CYRIB: variants seen among roughly 807,000 people sequenced by gnomAD.
CYRIB encodes CYFIP-related Rac1 interactor B.
A neutral mutation model predicts 44.2 loss-of-function variants in CYRIB; 8 were observed. That is an observed-to-expected ratio of 0.18 (90% CI 0.11 to 0.33). The LOEUF is 0.33. Ranked by LOEUF, CYRIB falls within the 10% of genes least tolerant of loss-of-function variation. The probability of loss-of-function intolerance (pLI) is 1.00; values close to 1 mark genes in which losing one functional copy is unlikely to be tolerated. For missense variants in CYRIB, 185 were observed against 382.8 expected, an observed-to-expected ratio of 0.48 and a Z score of 4.31; for synonymous variants, 131 against 127.2, an observed-to-expected ratio of 1.03 and a Z score of -0.20.
rs187869378 is a variant in CYRIB at position 129,919,039 on chromosome 8, C to T, written c.-49-15689G>A. Among the ~76,000 whole-genome samples the T allele has an allele frequency of 4.5e-4, 69 of 152,274 alleles. No individual in the cohort carries two copies. In the South Asian group the frequency reaches 0.01, roughly 22 times the overall value. On this transcript the variant is annotated intron_variant, in intron 1 of 11. Transcript: ENST00000519824. Reference sequence around the variant, plus strand: ...ATAGTTTTTAAATTATTTTATTTTACTTATTTTTTTAAGAGATGGGTTTTT... The same window carrying T: ...ATAGTTTTTAAATTATTTTATTTTATTTATTTTTTTAAGAGATGGGTTTTT...
intron 2 of CYRIB, among the ~76,000 whole-genome samples, chr8:129,899,619 A>G (rs993272850): frequency 4.6e-5 from 7 of 152,254 alleles, no homozygotes; most frequent in Non-Finnish European, 1.0e-4. Context: ...TCACAAAGAA[A>G]AGATGTTTAT....
At chr8:129,850,550 A>ACAC (rs1311045033) in intron 9 of CYRIB, 4 of 377,006 alleles carry the variant, frequency 1.1e-5, no homozygotes. Context: ...AGCCACCAAA[A>ACAC]CACCACCACC....
At chr8:129,860,162 T>G (rs545604999) in intron 5 of CYRIB, among the ~76,000 whole-genome samples, 2 of 152,210 alleles carry the variant, frequency 1.3e-5, no homozygotes, top group Admixed American at 6.5e-5. Context: ...TGTGCTGGAA[T>G]AGCACCCATG....
intron 1 of CYRIB, among the ~76,000 whole-genome samples, chr8:129,995,528 C>T (rs1375618779): frequency 6.6e-6 from 1 of 152,208 alleles, no homozygotes; most frequent in Admixed American, 6.5e-5. Context: ...CCCAGATGTG[C>T]CTGGCCTCGT....
rs563598582 is a variant in CYRIB, at chr8:129,923,318, A to C, written c.-50+16290T>G. On this transcript the variant is annotated intron_variant, in intron 1 of 11. Coordinates refer to ENST00000519824, the Ensembl canonical transcript of CYRIB. ...AGATAGAGTTTCGCTCTTGTCACCC[A>C]GGCTGGAGTGCAATGGTACAATCTC... 3.7e-3 allele frequency among the ~76,000 whole-genome samples: 563 copies of C among 151,584 alleles called. 4 individuals carry two copies. Among genetic ancestry groups the C allele is most frequent in the African/African-American group, 0.013 (545 of 41,434 alleles).
intron 1 of CYRIB, among the ~76,000 whole-genome samples, chr8:130,006,651 C>T (rs1330255874): frequency 5.0e-4 from 50 of 100,060 alleles, no homozygotes; most frequent in South Asian, 9.4e-4. Context: ...TATATATATA[C>T]ATATATATAT....
chr8:129,949,300 T>C (rs749951060), intron 2 of CYRIB: 1 of 152,216 alleles, frequency 6.6e-6, no homozygotes, highest in African/African-American at 2.4e-5. Context: ...TCTGCCATTA[T>C]TACAGAAAGT....
chr8:129,940,975 T>A (rs2093649346), upstream of CYRIB, among the ~76,000 whole-genome samples: 2 of 152,162 alleles, frequency 1.3e-5, no homozygotes, highest in Admixed American at 1.3e-4. Context: ...TATCTGCGCC[T>A]TACTCTATGG....
At chr8:129,846,590 G>A (rs1402898707) in intron 11 of CYRIB, among the ~76,000 whole-genome samples, 1 of 152,210 alleles carries the variant, frequency 6.6e-6, no homozygotes, top group African/African-American at 2.4e-5. Flanking sequence ...AAATGAAGCT[G>A]CTATTGTCAT....
At chr8:129,917,852 A>T (rs1466788837) in intron 1 of CYRIB, among the ~76,000 whole-genome samples, 2 of 152,168 alleles carry the variant, frequency 1.3e-5, no homozygotes, top group African/African-American at 4.8e-5. Flanking sequence ...GCGAGACACC[A>T]TCTCAAAAAA....
intron 1 of CYRIB, among the ~76,000 whole-genome samples, chr8:129,937,703 C>A (rs974751068): frequency 1.3e-5 from 2 of 152,196 alleles, no homozygotes. Flanking sequence ...GATCAACCAA[C>A]CACTTTCTTG....
At chr8:129,957,062 G>T (rs940614287) in intron 2 of CYRIB, among the ~76,000 whole-genome samples, 2 of 151,984 alleles carry the variant, frequency 1.3e-5, no homozygotes, top group Non-Finnish European at 2.9e-5. Flanking sequence ...GGGTCTTGCT[G>T]TGTTGCTAGG....
chr8:130,015,986 C>T (rs1350476567), intron 1 of CYRIB, among the ~76,000 whole-genome samples: 4 of 151,986 alleles, frequency 2.6e-5, no homozygotes, highest in Non-Finnish European at 4.4e-5. Flanking sequence ...ACACCCGGCT[C>T]GCAGGAAGGG....
At chr8:130,012,671 A>C (rs1337906419) in intron 1 of CYRIB, among the ~76,000 whole-genome samples, 2 of 152,214 alleles carry the variant, frequency 1.3e-5, no homozygotes, top group East Asian at 1.9e-4. Context: ...TATCTTGGCC[A>C]AGGGCACAGA....
At chr8:129,889,225 C>A (rs2064067174) in intron 2 of CYRIB, among the ~76,000 whole-genome samples, 1 of 152,154 alleles carries the variant, frequency 6.6e-6, no homozygotes, top group African/African-American at 2.4e-5. Context: ...ATATTCTAAG[C>A]CCACCATTGA....
Position 129,846,880 on chromosome 8 carries a change from G to A in CYRIB, c.841-6C>T. On this transcript the variant is annotated splice_region_variant and splice_polypyrimidine_tract_variant and intron_variant, in intron 10 of 11. Transcript: ENST00000519824. ...ACTTTGATACAACCTTTCATCTAAAGAAAAAGAAAACAGAAAAGGTAAAAC... is the reference window on the plus strand; with the variant it reads ...ACTTTGATACAACCTTTCATCTAAAAAAAAAGAAAACAGAAAAGGTAAAAC... The A allele has an allele frequency of 6.4e-7, 1 of 1,566,264 alleles. No homozygotes were observed.
chr8:129,888,071 T>TTTGA (rs1431290925), intron 2 of CYRIB, among the ~76,000 whole-genome samples: 3 of 152,200 alleles, frequency 2.0e-5, no homozygotes, highest in African/African-American at 7.2e-5. Context: ...AATGATATGG[T>TTTGA]TTGAATTTGT....
chr8:129,871,544 T>A lies in CYRIB; in HGVS notation c.74-48A>T, dbSNP rs572706827. The A allele has an allele frequency of 6.9e-6, 11 of 1,593,734 alleles. No individual in the cohort carries two copies. The East Asian group carries it at 2.3e-4, about 33-fold the overall frequency. On this transcript the variant is annotated intron_variant, in intron 3 of 11. Transcript: ENST00000519824. ...AAAATTTACAGTGACATGAATTTTTTAAAATACATGTGTAACTCTAAGCAA... is the reference window on the plus strand; with the variant it reads ...AAAATTTACAGTGACATGAATTTTTAAAAATACATGTGTAACTCTAAGCAA...
At chr8:129,928,393 T>C (rs1000241717) in intron 1 of CYRIB, among the ~76,000 whole-genome samples, 1 of 149,334 alleles carries the variant, frequency 6.7e-6, no homozygotes, top group Admixed American at 6.6e-5. Context: ...TTGCACATAA[T>C]GTATCTGACA....
Sources: allele counts gnomAD v4.1 joint callset (sites outside exome capture counted in the v4.1 genomes callset), GRCh38; gene constraint gnomAD v4.1.1; transcripts MANE v1.5; gene names NCBI Gene and HGNC (gene_info 2026-07-23, HGNC 2026-07-21).